PDE3B: variants seen among roughly 807,000 people sequenced by gnomAD.
The protein encoded by PDE3B is phosphodiesterase 3B.
A neutral mutation model predicts 116.8 loss-of-function variants in PDE3B; 66 were observed. The observed-to-expected ratio is 0.56, with a 90% CI of 0.46 to 0.69. The LOEUF is 0.69. PDE3B is among the 30% of genes least tolerant of loss of function. The pLI is 0.00. For synonymous variants in PDE3B, 595 were observed against 533.6 expected (o/e 1.12, Z -1.59); for missense variants, 1,384 against 1,368.1 (o/e 1.01, Z -0.18).
chr11:14,841,380 T>C (rs955374561), intron 11 of PDE3B, among the ~76,000 whole-genome samples: 2 of 147,882 alleles, frequency 1.4e-5, no homozygotes, highest in African/African-American at 4.9e-5. Flanking sequence ...ATATGAATTA[T>C]ATATATTCAT....
chr11:14,859,257 A>T lies in PDE3B; in HGVS notation c.2724+11A>T. 6.3e-7 allele frequency: 1 copy of T among 1,575,470 alleles called. No individual in the cohort carries two copies. The highest frequency in any genetic ancestry group is 1.4e-5 in the African/African-American group (1 of 73,730). On this transcript the variant is annotated intron_variant, in intron 13 of 15. Transcript: ENST00000282096. ...GAATTCAATGCCAAGGTTTGTTATG[A>T]AAATTAGTGCCTGATTTAAAAAATC...
chr11:14,775,155 G>A (rs979760714), intron 2 of PDE3B: 2 of 151,568 alleles, frequency 1.3e-5, no homozygotes, highest in Admixed American at 6.6e-5. Context: ...TATTATATAC[G>A]ACCCTTTATT....
chr11:14,769,120 T>C lies in PDE3B; in HGVS notation c.979-2817T>C, dbSNP rs541885066. Among the ~76,000 whole-genome samples the C allele has an allele frequency of 2.6e-5, 4 of 151,458 alleles. No homozygotes were observed. In the East Asian group the frequency reaches 7.8e-4, roughly 29 times the overall value. On this transcript the variant is annotated intron_variant, in intron 1 of 15. Coordinates refer to ENST00000282096, the MANE Select transcript of PDE3B (RefSeq NM_000922.4). ...ACTGCAAATAAGATTGGGCTTTGCT[T>C]AAGAATTGATTCAAAGCCAATCTAG...
At chr11:14,660,077 T>G (rs1021531414) in intron 1 of PDE3B, among the ~76,000 whole-genome samples, 2 of 152,138 alleles carry the variant, frequency 1.3e-5, no homozygotes, top group African/African-American at 2.4e-5. Context: ...AGCTTTATAG[T>G]CAGCATTAGG....
At chr11:14,835,197 C>T (rs530977331) in intron 11 of PDE3B, 102 bp downstream of exon 11, 52 of 692,614 alleles carry the variant, frequency 7.5e-5, no homozygotes, top group Middle Eastern at 2.7e-4. Flanking sequence ...ATTAAGTAAC[C>T]GTTTAGTACA....
At chr11:14,782,776 A>C (rs535522611) in intron 2 of PDE3B, among the ~76,000 whole-genome samples, 165 of 152,332 alleles carry the variant, frequency 1.1e-3, no homozygotes, top group African/African-American at 3.3e-3. Context: ...TAATTAAACT[A>C]AAGAGCTTCT....
At chr11:14,772,746 T>G (rs1043445318) in intron 2 of PDE3B, 1 of 151,988 alleles carries the variant, frequency 6.6e-6, no homozygotes, top group African/African-American at 2.4e-5. Flanking sequence ...GTATTTAATA[T>G]AAGGAGAAAA....
chr11:14,815,330 GT>G (rs1309264802), intron 5 of PDE3B, among the ~76,000 whole-genome samples: 2 of 152,226 alleles, frequency 1.3e-5, no homozygotes, highest in African/African-American at 4.8e-5. Context: ...TCTGCTTGAG[GT>G]GTCATAAGTC....
At chr11:14,789,921 C>A (rs1334412944) in intron 4 of PDE3B, among the ~76,000 whole-genome samples, 1 of 151,850 alleles carries the variant, frequency 6.6e-6, no homozygotes, top group Non-Finnish European at 1.5e-5. Context: ...GGATACTGAT[C>A]CTTGTGTGAG....
At chr11:14,885,702 G>A in the PDE3B span, 1 of 1,443,526 alleles carries the variant, frequency 6.9e-7, no homozygotes, top group Non-Finnish European at 9.7e-7. Flanking sequence ...CCAACTGTAT[G>A]CACTAAAACT....
At chr11:14,726,142 T>G (rs1297002275) in intron 1 of PDE3B, among the ~76,000 whole-genome samples, 1 of 152,216 alleles carries the variant, frequency 6.6e-6, no homozygotes, top group Non-Finnish European at 1.5e-5. Context: ...TTCATACCAG[T>G]CTCTGTTCAG....
chr11:14,668,046 G>T (rs138184810), intron 1 of PDE3B, among the ~76,000 whole-genome samples: 2 of 151,578 alleles, frequency 1.3e-5, no homozygotes, highest in African/African-American at 2.4e-5. Flanking sequence ...AAAAAAAAAG[G>T]TTTGAAGCAT....
chr11:14,887,925 C>G, the PDE3B span, among the ~76,000 whole-genome samples: 1 of 152,242 alleles, frequency 6.6e-6, no homozygotes, highest in Non-Finnish European at 1.5e-5. Context: ...AACCTCCTAA[C>G]TGGCCTCCCT....
intron 1 of PDE3B, among the ~76,000 whole-genome samples, chr11:14,735,633 A>G (rs1856574755): frequency 6.6e-6 from 1 of 152,218 alleles, no homozygotes. Flanking sequence ...TTAAAATTAC[A>G]TAAAATAAAA....
chr11:14,849,930 C>T (rs1378296671), intron 12 of PDE3B, among the ~76,000 whole-genome samples: 75 of 151,932 alleles, frequency 4.9e-4, no homozygotes, highest in Non-Finnish European at 4.1e-4. Flanking sequence ...GTCAGTGTGG[C>T]GATTCCTCAG....
intron 7 of PDE3B, among the ~76,000 whole-genome samples, chr11:14,830,476 G>T (rs1305680091): frequency 3.3e-5 from 5 of 151,998 alleles, no homozygotes; most frequent in African/African-American, 9.7e-5. Flanking sequence ...GAGTAGATAT[G>T]AAAGGTGAGT....
At chr11:14,753,710 A>G (rs1857113331) in intron 1 of PDE3B, among the ~76,000 whole-genome samples, 1 of 152,118 alleles carries the variant, frequency 6.6e-6, no homozygotes, top group South Asian at 2.1e-4. Context: ...CTTTTAGAGG[A>G]TGAAAGGGGA....
At chr11:14,712,127 C>T (rs1855721789) in intron 1 of PDE3B, among the ~76,000 whole-genome samples, 1 of 152,152 alleles carries the variant, frequency 6.6e-6, no homozygotes, top group Admixed American at 6.6e-5. Flanking sequence ...TCTCTGTCCC[C>T]CACACTGGAG....
chr11:14,782,856 A>G (rs960895443), intron 2 of PDE3B, among the ~76,000 whole-genome samples: 4 of 152,216 alleles, frequency 2.6e-5, no homozygotes, highest in African/African-American at 4.8e-5. Flanking sequence ...TTCGCACTCT[A>G]TCCATCTGAC....
Sources: allele counts gnomAD v4.1 joint callset (sites outside exome capture counted in the v4.1 genomes callset), GRCh38; gene constraint gnomAD v4.1.1; transcripts MANE v1.5; gene names NCBI Gene and HGNC (gene_info 2026-07-23, HGNC 2026-07-21).